Variants in HACE1 observed in about 807,000 individuals in gnomAD.
The protein encoded by HACE1 is E3 ubiquitin-protein ligase HACE1.
Under a neutral mutation model 118.4 loss-of-function variants are expected in HACE1, and 73 were observed. The ratio of observed to expected loss-of-function variants is 0.62; its 90% confidence interval spans 0.51 to 0.75. The LOEUF is 0.75. Among genes scored for constraint, HACE1 ranks in the 30% least tolerant of loss-of-function variants. The probability of loss-of-function intolerance (pLI) is 0.00; values close to 1 mark genes in which losing one functional copy is unlikely to be tolerated. For missense variants in HACE1, 749 were observed against 1,102.2 expected, an observed-to-expected ratio of 0.68 and a Z score of 4.54; for synonymous variants, 368 against 374.8, an observed-to-expected ratio of 0.98 and a Z score of 0.21.
chr6:104,780,309 C>T (rs1262834600), intron 14 of HACE1: 2 of 440,366 alleles, frequency 4.5e-6, no homozygotes, highest in East Asian at 7.1e-5. Flanking sequence ...CAAACACCTA[C>T]ACAGCCAAAT....
At position 104,830,913 on chromosome 6, in the gene HACE1, C is replaced by A. The variant is rs141355531; in HGVS notation, c.534+2129G>T. 6.4e-3 allele frequency among the ~76,000 whole-genome samples: 976 copies of A among 152,032 alleles called. 7 individuals are homozygous for A. Among genetic ancestry groups the A allele is most frequent in the Admixed American group, 9.8e-3 (150 of 15,278 alleles). ...TGGCATCCTGAGAGGTCACCATATT[C>A]ATGCCAAACTTAGTGTGGACATCCA... On this transcript the variant is annotated intron_variant, in intron 6 of 23. Transcript: ENST00000262903.
chr6:104,850,835 T>A (rs1247960633), intron 3 of HACE1, 72 bp downstream of exon 3: 3 of 925,790 alleles, frequency 3.2e-6, no homozygotes, highest in Non-Finnish European at 5.4e-6. Context: ...AAATATTGTG[T>A]GATAATGCTG....
At chr6:104,805,678 C>T (rs1047316902) in intron 7 of HACE1, among the ~76,000 whole-genome samples, 2 of 151,944 alleles carry the variant, frequency 1.3e-5, no homozygotes, top group Non-Finnish European at 2.9e-5. Flanking sequence ...CACAGGGCAG[C>T]GAACATCACA....
At chr6:104,761,758 G>A (rs1051867875) in intron 19 of HACE1, among the ~76,000 whole-genome samples, 2 of 152,164 alleles carry the variant, frequency 1.3e-5, no homozygotes, top group African/African-American at 4.8e-5. Context: ...AGAGTGAACA[G>A]GCAGCCTACA....
intron 6 of HACE1, among the ~76,000 whole-genome samples, chr6:104,825,283 G>T (rs73768829): frequency 6.6e-6 from 1 of 152,030 alleles, no homozygotes. Context: ...AAGGACCAGC[G>T]ACCTTTGCAA....
At chr6:104,735,625 C>T (rs892160533) in intron 22 of HACE1, among the ~76,000 whole-genome samples, 3 of 150,534 alleles carry the variant, frequency 2.0e-5, no homozygotes, top group Non-Finnish European at 4.4e-5. Context: ...AGCGAGACTC[C>T]GTCTCAAAAA....
intron 1 of HACE1, among the ~76,000 whole-genome samples, chr6:104,854,250 G>A (rs1218829414): frequency 1.3e-5 from 2 of 152,186 alleles, no homozygotes; most frequent in Non-Finnish European, 2.9e-5. Context: ...GTTTGGAGGA[G>A]ACTAAAGAAA....
intron 10 of HACE1, among the ~76,000 whole-genome samples, chr6:104,794,175 C>T (rs1407006628): frequency 1.3e-5 from 2 of 152,104 alleles, no homozygotes; most frequent in African/African-American, 4.8e-5. Context: ...TATAAAGTTA[C>T]TGTAAGGTAT....
rs528401137 is a variant in HACE1 at position 104,832,313 on chromosome 6, T to C, written c.534+729A>G. ...ATGTTTGGCTATTAAAACCTATGAATTAGAAATAAAATCAAAATGCAAATT... is the reference window on the plus strand; with the variant it reads ...ATGTTTGGCTATTAAAACCTATGAACTAGAAATAAAATCAAAATGCAAATT... On this transcript the variant is annotated intron_variant, in intron 6 of 23. Transcript: ENST00000262903. Among the ~76,000 whole-genome samples the C allele has an allele frequency of 2.0e-5, 3 of 152,308 alleles. No homozygotes were observed. In the South Asian group the frequency reaches 6.2e-4, roughly 32 times the overall value.
intron 7 of HACE1, among the ~76,000 whole-genome samples, chr6:104,799,214 T>C (rs1249587762): frequency 1.3e-5 from 2 of 152,220 alleles, no homozygotes; most frequent in African/African-American, 4.8e-5. Flanking sequence ...AGGAGGCCAT[T>C]AGCCTGAGAC....
At chr6:104,730,786 A>C (rs376619652) in intron 22 of HACE1, 2 of 231,116 alleles carry the variant, frequency 8.7e-6, no homozygotes, top group South Asian at 1.3e-4. Flanking sequence ...TGGGGCTAGC[A>C]AAATGCCTGG....
intron 1 of HACE1, chr6:104,858,392 A>T: frequency 3.5e-5 from 9 of 259,024 alleles, no homozygotes; most frequent in South Asian, 2.9e-4. Flanking sequence ...GAGACTAGAG[A>T]CCATTTTTTC....
Position 104,750,838 on chromosome 6 carries a change from C to A in HACE1, c.2212-366G>T, listed in dbSNP as rs117184555. ...CCCTGTTTCCATTTTTGCCCCTGTA[C>A]TGATGCTTCTCCACATCTTAGCCAG... On this transcript the variant is annotated intron_variant, in intron 19 of 23. Transcript: ENST00000262903. Among the ~76,000 whole-genome samples the A allele has an allele frequency of 1.4e-4, 21 of 152,316 alleles. No homozygotes were observed. In the East Asian group the frequency reaches 3.7e-3, roughly 27 times the overall value.
At chr6:104,810,651 G>A (rs556719074) in intron 7 of HACE1, among the ~76,000 whole-genome samples, 7 of 151,944 alleles carry the variant, frequency 4.6e-5, no homozygotes, top group Non-Finnish European at 8.8e-5. Context: ...AGGGAATAGA[G>A]TTTATTTATT....
chr6:104,733,838 C>CAAA (rs10685648), intron 22 of HACE1, among the ~76,000 whole-genome samples: 358 of 142,866 alleles, frequency 2.5e-3, no homozygotes, highest in African/African-American at 4.8e-3. Context: ...GACTTCATCT[C>CAAA]AAAAAAAAAA....
At chr6:104,757,450 G>A (rs148951524) in intron 19 of HACE1, among the ~76,000 whole-genome samples, 1 of 152,282 alleles carries the variant, frequency 6.6e-6, no homozygotes, top group Non-Finnish European at 1.5e-5. Flanking sequence ...TGCAGCTAAG[G>A]GGCCTGTTTG....
intron 20 of HACE1, among the ~76,000 whole-genome samples, chr6:104,749,061 T>C (rs1173414481): frequency 1.3e-5 from 2 of 152,204 alleles, no homozygotes; most frequent in Non-Finnish European, 2.9e-5. Flanking sequence ...ATAAACTTAT[T>C]GATATCAGTA....
intron 6 of HACE1, among the ~76,000 whole-genome samples, chr6:104,813,671 C>G (rs190728493): frequency 7.2e-6 from 1 of 138,166 alleles, no homozygotes. Context: ...GGTGTACAGT[C>G]AAACCAAGTA....
At chr6:104,851,536 A>C (rs1246654437) in intron 2 of HACE1, among the ~76,000 whole-genome samples, 1 of 152,128 alleles carries the variant, frequency 6.6e-6, no homozygotes, top group Non-Finnish European at 1.5e-5. Flanking sequence ...CACTTGGATA[A>C]TCCTATGTTA....
Sources: allele counts gnomAD v4.1 joint callset (sites outside exome capture counted in the v4.1 genomes callset), GRCh38; gene constraint gnomAD v4.1.1; transcripts MANE v1.5; gene names NCBI Gene and HGNC (gene_info 2026-07-23, HGNC 2026-07-21).